The following LONP1 variants were observed in gnomAD, a reference collection of about 807,000 sequenced individuals.
The protein encoded by LONP1 is lon protease homolog, mitochondrial.
Under a neutral mutation model 98.5 loss-of-function variants are expected in LONP1, and 31 were observed. The ratio of observed to expected loss-of-function variants is 0.31; its 90% confidence interval spans 0.24 to 0.42. LONP1 has a LOEUF of 0.42. LONP1 is among the 20% of genes least tolerant of loss of function. The pLI is 1.00. For synonymous variants in LONP1, 781 were observed against 594.7 expected, an observed-to-expected ratio of 1.31 and a Z score of -4.56; for missense variants, 1,336 against 1,350.6, an observed-to-expected ratio of 0.99 and a Z score of 0.17.
At chr19:5,694,593 G>A (rs1349217489) in intron 14 of LONP1, 41 bp from the exon 15 acceptor site, 3 of 1,561,016 alleles carry the variant, frequency 1.9e-6, no homozygotes, top group Non-Finnish European at 2.6e-6. Flanking sequence ...GGAAGGTGGG[G>A]TGACAGGTGC....
rs767878105 is a variant in LONP1 at position 5,694,782 on chromosome 19, G to A, written c.2133C>T (p.Asn711=). Residue 711 remains asparagine (N), a synonymous_variant, in exon 14 of 18, where the codon AAC becomes AAT. Coordinates refer to ENST00000360614, the MANE Select transcript of LONP1 (RefSeq NM_004793.4). ...TCACCTTCTCCACTTGCTTCTGCAG[G>A]TTGCGGACACCGCTCTCGCGGCAGT... is the stretch of plus-strand genomic sequence containing the variant. ...KQYCRESGVR[N]LQKQVEKVLR... 32 of 1,592,612 alleles carry A rather than the reference G, an allele frequency of 2.0e-5. No individual in the cohort carries two copies. Among genetic ancestry groups the A allele is most frequent in the Non-Finnish European group, 2.6e-5 (30 of 1,163,112 alleles).
chr19:5,693,235 T>C (rs1183520455), intron 17 of LONP1, 63 bp downstream of exon 17: 3 of 1,543,624 alleles, frequency 1.9e-6, no homozygotes, highest in Non-Finnish European at 2.6e-6. Context: ...TGGCGGGGAC[T>C]GGGCCTGTCC....
At chr19:5,692,748 C>G (rs1555708090) in intron 17 of LONP1, among the ~76,000 whole-genome samples, 1 of 152,182 alleles carries the variant, frequency 6.6e-6, no homozygotes, top group Non-Finnish European at 1.5e-5. Flanking sequence ...ATTTTATCAT[C>G]TAGGAAGTCT....
chr19:5,700,999 G>A (rs565978760), intron 8 of LONP1, 72 bp from the exon 9 acceptor site: 8 of 1,584,530 alleles, frequency 5.0e-6, no homozygotes, highest in South Asian at 2.2e-5. Flanking sequence ...GACTTGGCTG[G>A]GTGGTTGCAA....
Position 5,692,068 on chromosome 19 carries a change from C to T in LONP1, c.2844G>A (p.Pro948=), listed in dbSNP as rs1332831811. ...HYREIFDIAF[P]DEQAEALAVE... is the part of the protein sequence containing the mutation. ...CGGCCAGCGCCTCTGCCTGCTCGTC[C>T]GGGAAGGCGATGTCGAAGATCTCCC... Residue 948 remains proline, a synonymous_variant, in exon 18 of 18, where the codon CCG becomes CCA. Transcript: ENST00000360614. 6.2e-6 allele frequency: 10 copies of T among 1,610,444 alleles called. No individual in the cohort carries two copies. Among genetic ancestry groups the T allele is most frequent in the South Asian group, 4.4e-5 (4 of 90,904 alleles).
chr19:5,718,669 T>A (rs1028317968), intron 1 of LONP1, among the ~76,000 whole-genome samples: 2 of 151,834 alleles, frequency 1.3e-5, no homozygotes, highest in African/African-American at 2.4e-5. Context: ...GGAGATAACC[T>A]TCCCATAGAT....
chr19:5,718,452 T>C (rs933298956), intron 1 of LONP1, among the ~76,000 whole-genome samples: 3 of 145,684 alleles, frequency 2.1e-5, no homozygotes, highest in Non-Finnish European at 4.5e-5. Context: ...CACTTTAGCC[T>C]AGATGACAGA....
At chr19:5,699,327 G>A (rs2054999753) in intron 9 of LONP1, 122 bp from the exon 10 acceptor site, 4 of 756,226 alleles carry the variant, frequency 5.3e-6, no homozygotes, top group Non-Finnish European at 7.6e-6. Flanking sequence ...GACCAGGATT[G>A]TCCGGGAGGC....
At chr19:5,692,565 G>A (rs536917150) in intron 17 of LONP1, among the ~76,000 whole-genome samples, 39 of 152,320 alleles carry the variant, frequency 2.6e-4, no homozygotes, top group Admixed American at 2.5e-3. Context: ...GTTCCTGTGA[G>A]CATCTGCATC....
rs773361968 is a variant in LONP1 at position 5,696,718 on chromosome 19, C to A, written c.1725G>T (p.Gln575His). The A allele has an allele frequency of 5.6e-6, 9 of 1,613,572 alleles. No homozygotes were observed. In the African/African-American group the frequency reaches 1.1e-4, roughly 19 times the overall value. ...YVGAMPGKII[Q>H]CLKKTKTENP... ...TCTCCGTCTTGGTCTTCTTCAAACA[C>A]TGGATGATCTTCCCGGGCATGGCGC... The change falls in exon 11 of 18, where the codon CAG (glutamine) becomes CAT (histidine). Residue 575 changes from glutamine (Q) to histidine (H), a missense_variant. Coordinates refer to ENST00000360614, the MANE Select transcript of LONP1 (RefSeq NM_004793.4).
In LONP1 at chr19:5,696,246, C is replaced by G. The variant is rs371793819; in HGVS notation, c.1896+3G>C. The G allele has an allele frequency of 6.2e-6, 10 of 1,613,200 alleles. No homozygotes were observed. Among genetic ancestry groups the G allele is most frequent in the East Asian group, 2.2e-5 (1 of 44,870 alleles). ...AAGCCCAGGCCCCAGACAGGCCCCC[C>G]ACCTTGGACAAGTCCACGGGCACGT... On this transcript the variant is annotated splice_donor_region_variant and intron_variant, in intron 12 of 17. Transcript: ENST00000360614.
upstream of LONP1, chr19:5,720,199 C>T (rs1159446688): frequency 2.9e-6 from 4 of 1,385,130 alleles, no homozygotes; most frequent in South Asian, 4.9e-5. Context: ...GCACGTGACG[C>T]CCGGCGCGTG....
intron 9 of LONP1, 127 bp from the exon 10 acceptor site, chr19:5,699,332 G>A (rs1316228345): frequency 9.8e-6 from 7 of 714,798 alleles, no homozygotes; most frequent in Non-Finnish European, 1.2e-5. Flanking sequence ...GGATTGTCCG[G>A]GAGGCTGAGC....
intron 7 of LONP1, 91 bp downstream of exon 7, chr19:5,706,969 C>A: frequency 9.1e-7 from 1 of 1,098,530 alleles, no homozygotes; most frequent in Non-Finnish European, 1.3e-6. Flanking sequence ...CCGATGCCAC[C>A]GGTCCCTCCG....
intron 15 of LONP1, 25 bp from the exon 16 acceptor site, chr19:5,693,794 C>T: frequency 6.3e-7 from 1 of 1,599,808 alleles, no homozygotes; most frequent in South Asian, 1.1e-5. Flanking sequence ...GAGCTGTGAA[C>T]ACGGGAGGCC....
chr19:5,699,714 T>C (rs938924217), intron 9 of LONP1, among the ~76,000 whole-genome samples: 18 of 150,860 alleles, frequency 1.2e-4, no homozygotes, highest in Non-Finnish European at 2.2e-4. Context: ...TGAGTCACCA[T>C]GCCTGGCTAC....
chr19:5,694,919 A>G lies in LONP1; in HGVS notation c.2014-18T>C. On this transcript the variant is annotated intron_variant, in intron 13 of 17. Coordinates refer to ENST00000360614, the MANE Select transcript of LONP1 (RefSeq NM_004793.4). ...AGGTAGCGCTGCAAGGGCAACCGTCAGGGTTGGGTCTGGAGGGACCTTGCC... is the reference window on the plus strand; with the variant it reads ...AGGTAGCGCTGCAAGGGCAACCGTCGGGGTTGGGTCTGGAGGGACCTTGCC... 1.9e-6 allele frequency: 3 copies of G among 1,587,374 alleles called. No homozygotes were observed. The highest frequency in any genetic ancestry group is 2.6e-6 in the Non-Finnish European group (3 of 1,159,438).
At chr19:5,719,212 GTC>G (rs1198808414) in intron 1 of LONP1, among the ~76,000 whole-genome samples, 2 of 152,124 alleles carry the variant, frequency 1.3e-5, no homozygotes, top group Non-Finnish European at 2.9e-5. Context: ...AGAAATTTTT[GTC>G]TGTTTTGTTC....
intron 12 of LONP1, 29 bp downstream of exon 12, chr19:5,696,220 C>G: frequency 6.2e-7 from 1 of 1,612,820 alleles, no homozygotes; most frequent in Non-Finnish European, 8.5e-7. Context: ...CCCTCCCCAG[C>G]AAGCCCAGGC....
Sources: allele counts gnomAD v4.1 joint callset (sites outside exome capture counted in the v4.1 genomes callset), GRCh38; gene constraint gnomAD v4.1.1; transcripts MANE v1.5; gene names NCBI Gene and HGNC (gene_info 2026-07-23, HGNC 2026-07-21).